MADD: variants seen among roughly 807,000 people sequenced by gnomAD.
MADD encodes MAP kinase activating death domain.
A neutral mutation model predicts 176.7 loss-of-function variants in MADD; 109 were observed. The ratio of observed to expected loss-of-function variants is 0.62; its 90% CI spans 0.53 to 0.72. MADD has a LOEUF of 0.72. MADD is among the 30% of genes least tolerant of loss of function. MADD has a pLI of 0.00. For synonymous variants in MADD, 771 were observed against 771.3 expected, an observed-to-expected ratio of 1.00 and a Z score of 0.01; for missense variants, 1,914 against 2,045.5, an observed-to-expected ratio of 0.94 and a Z score of 1.24.
exon 22 of MADD, chr11:47,295,934 G>C: frequency 6.2e-7 from 1 of 1,614,124 alleles, no homozygotes; most frequent in Non-Finnish European, 8.5e-7. Flanking sequence ...GGAGCTGACA[G>C]TGACTTGAGC....
At chr11:47,290,488 G>T in intron 18 of MADD, 122 bp from the exon 20 acceptor site, 1 of 1,257,938 alleles carries the variant, frequency 7.9e-7, no homozygotes, top group Non-Finnish European at 1.1e-6. Flanking sequence ...TAAGACATCA[G>T]CTCATCTTTC....
intron 25 of MADD, among the ~76,000 whole-genome samples, chr11:47,310,274 C>T (rs1013464183): frequency 6.6e-5 from 10 of 151,826 alleles, no homozygotes; most frequent in Non-Finnish European, 1.3e-4. Context: ...CTCTGCCTCC[C>T]GGGTTCAAGC....
chr11:47,312,916 A>G (rs951058320), intron 26 of MADD, among the ~76,000 whole-genome samples: 2 of 152,234 alleles, frequency 1.3e-5, no homozygotes, highest in African/African-American at 4.8e-5. Context: ...TTTTGAAGAA[A>G]AGCAATTTGC....
chr11:47,319,518 A>G (rs999665894), intron 27 of MADD, among the ~76,000 whole-genome samples: 9 of 152,180 alleles, frequency 5.9e-5, no homozygotes, highest in Admixed American at 3.3e-4. Flanking sequence ...AAACCGTGCC[A>G]AAGTTAAAAA....
chr11:47,327,206 C>T (rs2095540646), intron 31 of MADD: 1 of 1,005,528 alleles, frequency 9.9e-7, no homozygotes, highest in Non-Finnish European at 1.2e-6. Flanking sequence ...GCCAGCCTCC[C>T]TGGCGCCGCT....
chr11:47,328,792 C>A, intron 32 of MADD, 88 bp downstream of exon 36: 1 of 1,548,828 alleles, frequency 6.5e-7, no homozygotes, highest in African/African-American at 1.4e-5. Context: ...GCCCTCTGAG[C>A]GCACAGGGGT....
chr11:47,285,618 T>G, intron 14 of MADD, 28 bp downstream of exon 14: 1 of 1,613,298 alleles, frequency 6.2e-7, no homozygotes, highest in Admixed American at 1.7e-5. Context: ...TCTCTCTCAC[T>G]CCTGTGTTCC....
chr11:47,288,899 T>A, intron 15 of MADD, 69 bp from the exon 16 acceptor site: 1 of 1,114,242 alleles, frequency 9.0e-7, no homozygotes, highest in Non-Finnish European at 1.3e-6. Context: ...TCTGGCTTAC[T>A]GCTCCTCGGA....
rs1248429537 is a variant in MADD, at chr11:47,281,560, C to CT, written c.1291-13dup. The stretch of plus-strand genomic sequence containing the variant: ...GGACGTTCCTTGTGTAAGGAATTTT[C>CT]TTGTTGTTCCACAGGCCTTGGCCAG... On this transcript the variant is annotated splice_polypyrimidine_tract_variant and intron_variant, in intron 7 of 32. Coordinates refer to ENST00000402192, the Ensembl canonical transcript of MADD. 4 of 1,582,646 alleles carry CT rather than the reference C, an allele frequency of 2.5e-6. No homozygotes were observed. The highest frequency in any genetic ancestry group is 3.5e-6 in the Non-Finnish European group (4 of 1,158,998).
chr11:47,328,430 T>C (rs2142634123), intron 31 of MADD: 1 of 1,430,816 alleles, frequency 7.0e-7, no homozygotes, highest in South Asian at 1.5e-5. Flanking sequence ...CCACTGCGGA[T>C]GACAGAGGCC....
chr11:47,275,604 A>T (rs1050366949), intron 3 of MADD, among the ~76,000 whole-genome samples: 1 of 152,268 alleles, frequency 6.6e-6, no homozygotes, highest in Non-Finnish European at 1.5e-5. Context: ...GTTAATCTTT[A>T]CTAAGCAAAA....
chr11:47,308,902 A>G (rs968151703), intron 23 of MADD, 78 bp from the exon 26 acceptor site: 2 of 1,392,264 alleles, frequency 1.4e-6, no homozygotes, highest in Non-Finnish European at 2.0e-6. Flanking sequence ...TTTTGGTGTT[A>G]ATCAACAGCC....
intron 1 of MADD, among the ~76,000 whole-genome samples, chr11:47,271,771 C>A (rs1964248360): frequency 6.7e-6 from 1 of 149,214 alleles, no homozygotes; most frequent in Admixed American, 6.7e-5. Flanking sequence ...CTACATAATT[C>A]TTTATTAAAA....
rs143923363 is a variant in MADD at position 47,283,388 on chromosome 11, C to T, written c.1862+419C>T. ...GAATACAGGCGTGAGCCACCGCGCC[C>T]GGCCTTATTTATTTATTTTTGTATG... On this transcript the variant is annotated intron_variant, in intron 10 of 32. Transcript: ENST00000402192. 5.7e-3 allele frequency among the ~76,000 whole-genome samples: 868 copies of T among 152,036 alleles called. 3 individuals carry two copies. Among genetic ancestry groups the T allele is most frequent in the African/African-American group, 0.019 (774 of 41,448 alleles).
In MADD at chr11:47,309,231, A is replaced by G. The variant is rs765041822; in HGVS notation, c.3752-50A>G. The G allele has an allele frequency of 1.4e-5, 22 of 1,590,374 alleles. No individual in the cohort carries two copies. In the South Asian group the frequency reaches 2.1e-4, roughly 15 times the overall value. ...TACTCTTTATTTTTGTTTGGCAGCT[A>G]TATTCTTAAATGTTAAATAGGCCCC... On this transcript the variant is annotated intron_variant, in intron 23 of 32. Transcript: ENST00000402192.
At chr11:47,284,648 C>G in intron 12 of MADD, 83 bp downstream of exon 12, 1 of 1,488,452 alleles carries the variant, frequency 6.7e-7, no homozygotes. Flanking sequence ...TGTAGCTATT[C>G]ATTTGCTGCT....
At position 47,295,878 on chromosome 11, in the gene MADD, T is replaced by C; in HGVS notation, c.3484-19T>C. 1 of 1,606,256 alleles carries C rather than the reference T, an allele frequency of 6.2e-7. No homozygotes were observed. Among genetic ancestry groups the C allele is most frequent in the East Asian group, 2.2e-5 (1 of 44,790 alleles). On this transcript the variant is annotated intron_variant, in intron 21 of 32. Coordinates refer to ENST00000402192, the Ensembl canonical transcript of MADD. Reference sequence around the variant, plus strand: ...CCCATCCCTGGGGACTGTCTCTTACTACCTTTTTTCCTTTCCAGGTGAGTA... The same window carrying C: ...CCCATCCCTGGGGACTGTCTCTTACCACCTTTTTTCCTTTCCAGGTGAGTA...
chr11:47,321,889 T>C (rs1011535381), intron 27 of MADD, among the ~76,000 whole-genome samples: 4 of 152,204 alleles, frequency 2.6e-5, no homozygotes, highest in African/African-American at 9.6e-5. Flanking sequence ...GGAGGAGATG[T>C]TGAGTTCAGA....
chr11:47,281,887 T>A, intron 8 of MADD, 134 bp downstream of exon 8: 1 of 487,018 alleles, frequency 2.1e-6, no homozygotes, highest in East Asian at 3.9e-5. Context: ...CTTGTTGGAG[T>A]GCAATGGCAT....
Sources: gnomAD v4.1 joint callset for allele counts (sites outside exome capture counted in the v4.1 genomes callset) on GRCh38, gnomAD v4.1.1 for gene constraint, MANE v1.5 for transcripts, NCBI Gene and HGNC (gene_info 2026-07-23, HGNC 2026-07-21) for gene names.